OR2C1: variants seen among roughly 807,000 people sequenced by gnomAD.
The protein encoded by OR2C1 is olfactory receptor 2C1.
For missense variants in OR2C1, 468 were observed against 388.3 expected (o/e 1.21, Z -1.73); for synonymous variants, 209 against 167.3 (o/e 1.25, Z -1.92).
chr16:3,346,095 A>C, the OR2C1 span, among the ~76,000 whole-genome samples: 1 of 151,986 alleles, frequency 6.6e-6, no homozygotes, highest in South Asian at 2.1e-4. Context: ...TGGCCTCCCA[A>C]AGTGCTCGGA....
At chr16:3,325,463 ATATAT>A in the OR2C1 span, among the ~76,000 whole-genome samples, 303 of 79,338 alleles carry the variant, frequency 3.8e-3, 1 homozygote, top group East Asian at 0.038. Flanking sequence ...GTCTAAAAAT[ATATAT>A]ATATATATAT....
chr16:3,327,094 C>CTTT, the OR2C1 span, among the ~76,000 whole-genome samples: 2 of 151,914 alleles, frequency 1.3e-5, no homozygotes, highest in South Asian at 4.1e-4. Context: ...ATGGACAATC[C>CTTT]TTTTATATGT....
the OR2C1 span, among the ~76,000 whole-genome samples, chr16:3,336,330 C>T: frequency 6.6e-6 from 1 of 152,062 alleles, no homozygotes; most frequent in Non-Finnish European, 1.5e-5. Flanking sequence ...TTATGTTCAT[C>T]AGGAATATTG....
At chr16:3,347,532 G>A in the OR2C1 span, among the ~76,000 whole-genome samples, 20 of 150,506 alleles carry the variant, frequency 1.3e-4, no homozygotes, top group South Asian at 6.3e-4. Flanking sequence ...CCCCTCCTCC[G>A]TCCACACCTC....
chr16:3,346,486 TC>T, the OR2C1 span, among the ~76,000 whole-genome samples: 1 of 152,138 alleles, frequency 6.6e-6, no homozygotes, highest in Non-Finnish European at 1.5e-5. Context: ...CACCCAGTGT[TC>T]CAGCAACCTC....
chr16:3,357,734 C>T (rs1567287262), downstream of OR2C1, among the ~76,000 whole-genome samples: 1 of 152,108 alleles, frequency 6.6e-6, no homozygotes, highest in Non-Finnish European at 1.5e-5. Context: ...GTAATCCCAG[C>T]ACTTTGGGAG....
At chr16:3,353,142 T>A (rs934239029), upstream of OR2C1, among the ~76,000 whole-genome samples, 1 of 152,076 alleles carries the variant, frequency 6.6e-6, no homozygotes, top group African/African-American at 2.4e-5. Context: ...AAAAGAAAGA[T>A]GAGCTGATTA....
upstream of OR2C1, among the ~76,000 whole-genome samples, chr16:3,353,453 TGCAC>T (rs2030605981): frequency 1.5e-5 from 2 of 131,724 alleles, no homozygotes; most frequent in African/African-American, 5.8e-5. Flanking sequence ...ATCCCGCCAC[TGCAC>T]TCCAGCCTGG....
chr16:3,354,382 T>C (rs2030626206), upstream of OR2C1, among the ~76,000 whole-genome samples: 1 of 152,232 alleles, frequency 6.6e-6, no homozygotes, highest in South Asian at 2.1e-4. Flanking sequence ...TAATTTCCCT[T>C]ACTAATTATG....
chr16:3,339,597 C>T, the OR2C1 span, among the ~76,000 whole-genome samples: 1 of 152,104 alleles, frequency 6.6e-6, no homozygotes, highest in Non-Finnish European at 1.5e-5. Context: ...GCTGGGACTA[C>T]AGACGCCCAC....
chr16:3,339,716 A>G, the OR2C1 span, among the ~76,000 whole-genome samples: 1 of 151,818 alleles, frequency 6.6e-6, no homozygotes, highest in Non-Finnish European at 1.5e-5. Context: ...TCGGCCTCCC[A>G]AAGTGTTGGG....
the OR2C1 span, among the ~76,000 whole-genome samples, chr16:3,330,030 G>A: frequency 6.6e-6 from 1 of 152,084 alleles, no homozygotes; most frequent in Non-Finnish European, 1.5e-5. Context: ...TGGGATTACA[G>A]GCATGAGCCA....
chr16:3,353,324 C>G (rs1028915370), upstream of OR2C1, among the ~76,000 whole-genome samples: 2 of 150,778 alleles, frequency 1.3e-5, no homozygotes, highest in Non-Finnish European at 3.0e-5. Flanking sequence ...AACCCCATCT[C>G]TACTAAAAAC....
chr16:3,342,098 A>C, the OR2C1 span, among the ~76,000 whole-genome samples: 1 of 152,156 alleles, frequency 6.6e-6, no homozygotes, highest in Admixed American at 6.6e-5. Flanking sequence ...TAAAAATACA[A>C]AATTTAGCTA....
the OR2C1 span, among the ~76,000 whole-genome samples, chr16:3,349,220 G>C: frequency 6.6e-6 from 1 of 152,214 alleles, no homozygotes; most frequent in Non-Finnish European, 1.5e-5. Flanking sequence ...AAGAAATGCT[G>C]TCATTTTTAT....
chr16:3,329,447 AATTATT>A, the OR2C1 span, among the ~76,000 whole-genome samples: 3 of 151,800 alleles, frequency 2.0e-5, no homozygotes, highest in Admixed American at 6.6e-5. Context: ...CATTACAGTA[AATTATT>A]ATTATTATTA....
chr16:3,328,146 C>G, the OR2C1 span, among the ~76,000 whole-genome samples: 28,808 of 152,058 alleles, frequency 0.19, 2,853 homozygotes, highest in South Asian at 0.25. Flanking sequence ...AGTAGTTACT[C>G]TATGCTTTAA....
At chr16:3,345,411 A>T in the OR2C1 span, among the ~76,000 whole-genome samples, 1 of 151,944 alleles carries the variant, frequency 6.6e-6, no homozygotes, top group African/African-American at 2.4e-5. Context: ...ACGTGAACCC[A>T]GGAGGCAGAG....
At chr16:3,338,686 C>T in the OR2C1 span, among the ~76,000 whole-genome samples, 2 of 151,862 alleles carry the variant, frequency 1.3e-5, no homozygotes, top group South Asian at 4.2e-4. Flanking sequence ...TACAGGCGCC[C>T]GCCAGCACGC....
Sources: gnomAD v4.1 joint callset for allele counts (sites outside exome capture counted in the v4.1 genomes callset) on GRCh38, gnomAD v4.1.1 for gene constraint, MANE v1.5 for transcripts, NCBI Gene and HGNC (gene_info 2026-07-23, HGNC 2026-07-21) for gene names.